ZNF561: variants seen among roughly 807,000 people sequenced by gnomAD.
ZNF561 encodes zinc finger protein 561.
ZNF561 carries 16 observed loss-of-function variants against 16.7 expected under a neutral mutation model. That is an observed-to-expected ratio of 0.96 (90% CI 0.65 to 1.45). The LOEUF is 1.45. Ranked by LOEUF, ZNF561 falls within the 40% of genes most tolerant of loss-of-function variation. ZNF561 has a pLI of 0.00. For missense variants in ZNF561, 580 were observed against 578.0 expected, an observed-to-expected ratio of 1.00 and a Z score of -0.04; for synonymous variants, 190 against 192.1, an observed-to-expected ratio of 0.99 and a Z score of 0.09.
chr19:9,614,535 G>T (rs750070759), intron 4 of ZNF561, among the ~76,000 whole-genome samples: 1 of 152,156 alleles, frequency 6.6e-6, no homozygotes, highest in Non-Finnish European at 1.5e-5. Flanking sequence ...AACCTGGGAG[G>T]CAGAAGTTGC....
At position 9,608,486 on chromosome 19, in the gene ZNF561, C is replaced by T. The variant is rs1380271738; in HGVS notation, c.*1714G>A. The T allele has an allele frequency of 6.6e-6, 1 of 152,090 alleles. No homozygotes were observed. Among genetic ancestry groups the T allele is most frequent in the African/African-American group, 2.4e-5 (1 of 41,418 alleles). 9.4% of individuals were successfully genotyped at this position (152,090 alleles called of 1,614,324 possible). ...TTTAACCTCATTTATTTAAAATTAA[C>T]AAATTTGTAAGCCATTTGGTCTGTG... is the stretch of plus-strand genomic sequence containing the variant. On this transcript the variant is annotated 3_prime_UTR_variant, in exon 6 of 6. Transcript: ENST00000302851.
At chr19:9,615,321 G>C (rs956959488) in intron 4 of ZNF561, among the ~76,000 whole-genome samples, 1 of 152,032 alleles carries the variant, frequency 6.6e-6, no homozygotes, top group South Asian at 2.1e-4. Context: ...AGTAGGCTGG[G>C]TGTGGTGGCT....
In ZNF561 at chr19:9,619,849, A is replaced by ATATCTATATT. The variant is rs1555692305; in HGVS notation, c.-126-268_-126-267insAATATAGATA. Among the ~76,000 whole-genome samples, 312 of 91,262 alleles carry ATATCTATATT rather than the reference A, an allele frequency of 3.4e-3. 2 individuals carry two copies. Among genetic ancestry groups the ATATCTATATT allele is most frequent in the Admixed American group, 0.029 (263 of 9,214 alleles). The allele number at this position is 91,262 out of a possible 152,430, so 59.9% of individuals were successfully genotyped here. On this transcript the variant is annotated intron_variant, in intron 1 of 5. Coordinates refer to ENST00000302851, the MANE Select transcript of ZNF561 (RefSeq NM_152289.3). Reference sequence around the variant, plus strand: ...TAGCTATCATTACCTCTATCTATCTATATCTATCTATATTTATCTATCTAT... The same window carrying ATATCTATATT: ...TAGCTATCATTACCTCTATCTATCTATATCTATATTTATCTATCTATATTTATCTATCTAT...
chr19:9,611,448 T>C, intron 5 of ZNF561, 112 bp from the exon 6 acceptor site: 1 of 1,170,440 alleles, frequency 8.5e-7, no homozygotes, highest in South Asian at 2.1e-5. Flanking sequence ...TTTTAATATT[T>C]AATTTTTTTT....
At chr19:9,615,888 C>T (rs1246403460) in intron 4 of ZNF561, among the ~76,000 whole-genome samples, 7 of 140,428 alleles carry the variant, frequency 5.0e-5, no homozygotes, top group South Asian at 2.3e-4. Context: ...GACTCTGTCT[C>T]AAAAAAAAAA....
intron 3 of ZNF561, chr19:9,617,522 T>TTA (rs1317209360): frequency 3.0e-6 from 1 of 330,500 alleles, no homozygotes; most frequent in Non-Finnish European, 5.8e-6. Context: ...TCTAATCTGT[T>TTA]TATTTATTTA....
intron 5 of ZNF561, 34 bp downstream of exon 5, chr19:9,613,987 G>T (rs770188454): frequency 5.0e-6 from 8 of 1,605,602 alleles, no homozygotes; most frequent in African/African-American, 1.3e-5. Context: ...TTTTCTAAGA[G>T]AGGAAATTAA....
At chr19:9,611,994 T>G (rs2074467283) in intron 5 of ZNF561, among the ~76,000 whole-genome samples, 1 of 151,914 alleles carries the variant, frequency 6.6e-6, no homozygotes, top group Non-Finnish European at 1.5e-5. Context: ...ATGGCATGAT[T>G]TCGGCTCGTT....
intron 3 of ZNF561, chr19:9,617,657 C>G (rs1320736083): frequency 2.2e-6 from 1 of 457,070 alleles, no homozygotes; most frequent in South Asian, 1.5e-5. Flanking sequence ...CAGGCATGAG[C>G]CACTGCACAC....
chr19:9,617,388 T>A (rs1373301802), intron 3 of ZNF561: 31 of 1,115,498 alleles, frequency 2.8e-5, no homozygotes, highest in East Asian at 1.5e-4. Flanking sequence ...AAAATTTTTT[T>A]AAATCTTTTT....
intron 2 of ZNF561, 30 bp from the exon 3 acceptor site, chr19:9,618,209 C>A (rs1165738417): frequency 1.3e-6 from 2 of 1,527,868 alleles, no homozygotes; most frequent in Middle Eastern, 2.0e-4. Context: ...GCATGAGAAG[C>A]CAGAGCTGCC....
intron 1 of ZNF561, 72 bp from the exon 2 acceptor site, chr19:9,619,654 T>C: frequency 2.2e-6 from 1 of 462,788 alleles, no homozygotes; most frequent in Non-Finnish European, 3.8e-6. Flanking sequence ...GCTTTGTCTC[T>C]GCAGGTGACA....
chr19:9,616,365 T>A (rs1375542934), intron 4 of ZNF561, among the ~76,000 whole-genome samples: 1 of 152,144 alleles, frequency 6.6e-6, no homozygotes, highest in Non-Finnish European at 1.5e-5. Flanking sequence ...CACTGCAACT[T>A]CTGCCTCCTT....
In ZNF561 at chr19:9,610,804, C is replaced by G; in HGVS notation, c.857G>C (p.Cys286Ser). The G allele has an allele frequency of 6.2e-7, 1 of 1,614,092 alleles. No homozygotes were observed. Among genetic ancestry groups the G allele is most frequent in the Non-Finnish European group, 8.5e-7 (1 of 1,179,992 alleles). ...TGAGGAATTTCTAAAGGATCTTCCA[C>G]ATTCTTTACATTCAAAGGACTTCTC... ...KGEKSFECKE[C>S]GRSFRNSSCL... The change falls in exon 6 of 6, where the codon TGT becomes TCT. Residue 286 changes from cysteine to serine, a missense_variant. Physicochemically the swap from Cys to Ser is moderately radical, Grantham distance 112. Transcript: ENST00000302851.
rs529529936 is a variant in ZNF561, at chr19:9,612,695, G to C, written c.324+1326C>G. Among the ~76,000 whole-genome samples the C allele has an allele frequency of 2.0e-5, 3 of 152,136 alleles. No individual in the cohort carries two copies. In the South Asian group the frequency reaches 6.2e-4, roughly 32 times the overall value. ...TTTTTCTTCCTTGTTTTTATTCCCT[G>C]ACTTCTTGATTTCTTCCAGATTGAA... On this transcript the variant is annotated intron_variant, in intron 5 of 5. Coordinates refer to ENST00000302851, the MANE Select transcript of ZNF561 (RefSeq NM_152289.3).
Position 9,610,844 on chromosome 19 carries a change from T to C in ZNF561, c.817A>G (p.Lys273Glu). ...AAGGACTTCTCTCCTTTATGAGTTT[T>C]CACAGGTGCATAAAGTTGAGAAAAA... ...TNFSQLYAPV[K>E]THKGEKSFEC... Residue 273 changes from lysine to glutamate, a missense_variant, in exon 6 of 6, where the codon AAA becomes GAA. Transcript: ENST00000302851. 6.2e-7 allele frequency: 1 copy of C among 1,614,218 alleles called. No homozygotes were observed.
At chr19:9,620,367 G>A (rs567629510) in intron 1 of ZNF561, among the ~76,000 whole-genome samples, 3 of 152,248 alleles carry the variant, frequency 2.0e-5, no homozygotes, top group African/African-American at 7.2e-5. Flanking sequence ...TGGGACTACA[G>A]GTGCACACCA....
chr19:9,611,090 G>C lies in ZNF561; in HGVS notation c.571C>G (p.Leu191Val). The change falls in exon 6 of 6, where the codon CTC becomes GTC. Residue 191 changes from leucine to valine, a missense_variant. Leu to Val is a conservative substitution (Grantham distance 32, BLOSUM62 1). Transcript: ENST00000302851. The part of the protein sequence containing the change: ...TPGLAVHLEV[L>V]NARQPYKCKE... ...CATTTGTAGGGTTGTCTTGCATTGA[G>C]AACTTCAAGATGTACAGCAAGACCT... 6.2e-7 allele frequency: 1 copy of C among 1,614,102 alleles called. No individual in the cohort carries two copies. The highest frequency in any genetic ancestry group is 8.5e-7 in the Non-Finnish European group (1 of 1,179,996).
chr19:9,607,484 G>A lies in ZNF561; in HGVS notation c.*2716C>T, dbSNP rs746335673. The A allele has an allele frequency of 5.3e-5, 8 of 152,110 alleles. No individual in the cohort carries two copies. The highest frequency in any genetic ancestry group is 1.2e-4 in the Non-Finnish European group (8 of 68,032). The allele number at this position is 152,110 out of a possible 1,614,324, so 9.4% of individuals were successfully genotyped here. A position where few individuals can be genotyped will look rare whatever the true frequency, so the allele number is the denominator to read the frequency against. ...AGCCTCATGAATTATGAAATACTGG[G>A]AAATCATTCATCATGTAAAAACTGG... On this transcript the variant is annotated 3_prime_UTR_variant, in exon 6 of 6. Transcript: ENST00000302851.
Sources: gnomAD v4.1 joint callset for allele counts (sites outside exome capture counted in the v4.1 genomes callset) on GRCh38, gnomAD v4.1.1 for gene constraint, MANE v1.5 for transcripts, NCBI Gene and HGNC (gene_info 2026-07-23, HGNC 2026-07-21) for gene names.